RAP1GDS1: variants seen among roughly 807,000 people sequenced by gnomAD.
The protein encoded by RAP1GDS1 is RAP1, GTP-GDP dissociation stimulator 1.
In RAP1GDS1, 35 loss-of-function variants were observed where a neutral mutation model predicts 71.1. The ratio of observed to expected loss-of-function variants is 0.49; its 90% CI spans 0.38 to 0.65. RAP1GDS1 has a LOEUF of 0.65. Ranked by LOEUF, RAP1GDS1 falls within the 30% of genes least tolerant of loss-of-function variation. RAP1GDS1 has a pLI of 0.00. For missense variants in RAP1GDS1, 663 were observed against 706.1 expected, an observed-to-expected ratio of 0.94 and a Z score of 0.69; for synonymous variants, 229 against 243.1, an observed-to-expected ratio of 0.94 and a Z score of 0.54.
At chr4:98,303,663 A>ATAATATAATG (rs1728898448) in intron 2 of RAP1GDS1, among the ~76,000 whole-genome samples, 1 of 148,136 alleles carries the variant, frequency 6.8e-6, no homozygotes, top group Non-Finnish European at 1.5e-5. Flanking sequence ...ATAATATAAT[A>ATAATATAATG]TAATTGGGGT....
intron 4 of RAP1GDS1, among the ~76,000 whole-genome samples, chr4:98,374,209 T>C (rs1413108124): frequency 6.6e-6 from 1 of 152,130 alleles, no homozygotes; most frequent in Admixed American, 6.5e-5. Flanking sequence ...CCCACTTGTT[T>C]AGTTTGTTCA....
At chr4:98,284,255 G>A (rs1725649496) in intron 1 of RAP1GDS1, among the ~76,000 whole-genome samples, 2 of 151,868 alleles carry the variant, frequency 1.3e-5, no homozygotes, top group Non-Finnish European at 2.9e-5. Context: ...TTAGATTCAG[G>A]GGGCACGTAA....
intron 4 of RAP1GDS1, among the ~76,000 whole-genome samples, chr4:98,355,833 A>G (rs1286229674): frequency 6.6e-6 from 1 of 152,190 alleles, no homozygotes; most frequent in Non-Finnish European, 1.5e-5. Context: ...ACAGACTGGC[A>G]TACCGCTAAA....
chr4:98,293,771 C>T (rs1337899544), intron 2 of RAP1GDS1, among the ~76,000 whole-genome samples: 2 of 151,876 alleles, frequency 1.3e-5, no homozygotes, highest in African/African-American at 4.8e-5. Context: ...AATACCAGTC[C>T]CAGAGAGAGG....
chr4:98,319,001 G>C (rs1297999238), intron 2 of RAP1GDS1, among the ~76,000 whole-genome samples: 2 of 152,134 alleles, frequency 1.3e-5, no homozygotes, highest in Non-Finnish European at 2.9e-5. Flanking sequence ...GGGGAAATGA[G>C]GTTCTGGAAC....
intron 2 of RAP1GDS1, among the ~76,000 whole-genome samples, chr4:98,303,063 A>AAG (rs1728808494): frequency 6.6e-6 from 1 of 152,086 alleles, no homozygotes; most frequent in African/African-American, 2.4e-5. Context: ...AAAAAAAAAA[A>AAG]AGAGGAAAGA....
chr4:98,382,980 C>T (rs1340744733), intron 5 of RAP1GDS1, among the ~76,000 whole-genome samples: 1 of 151,544 alleles, frequency 6.6e-6, no homozygotes, highest in African/African-American at 2.4e-5. Flanking sequence ...GATCCACAAG[C>T]GTGTTGAGTC....
In RAP1GDS1 at chr4:98,261,481, G is replaced by C. The variant is rs1356127814; in HGVS notation, c.-85G>C. On this transcript the variant is annotated 5_prime_UTR_variant, in exon 1 of 15. Coordinates refer to ENST00000408927, the MANE Select transcript of RAP1GDS1 (RefSeq NM_001100427.2). ...TCCCTCCCTGGCTGCGGGAGAGACG[G>C]AGGTAGAGGGAGGACACAGAGCCGC... The C allele has an allele frequency of 7.0e-7, 1 of 1,418,720 alleles. No individual in the cohort carries two copies. Among genetic ancestry groups the C allele is most frequent in the Admixed American group, 2.0e-5 (1 of 51,070 alleles). 87.9% of individuals were successfully genotyped at this position (1,418,720 alleles called of 1,614,324 possible).
intron 2 of RAP1GDS1, among the ~76,000 whole-genome samples, chr4:98,337,170 C>T (rs994416619): frequency 2.0e-5 from 3 of 152,196 alleles, no homozygotes; most frequent in Admixed American, 6.5e-5. Flanking sequence ...GCTGAGATTA[C>T]AGGTGTGAGC....
chr4:98,375,248 T>C (rs939970207), intron 4 of RAP1GDS1, among the ~76,000 whole-genome samples: 1 of 152,136 alleles, frequency 6.6e-6, no homozygotes, highest in African/African-American at 2.4e-5. Flanking sequence ...CCTGCCTCTG[T>C]CTTCACATGG....
rs1236321677 is a variant in RAP1GDS1, at chr4:98,269,737, A to G, written c.4+8168A>G. Among the ~76,000 whole-genome samples, 12 of 152,288 alleles carry G rather than the reference A, an allele frequency of 7.9e-5. No homozygotes were observed. The South Asian group carries it at 2.5e-3, about 32-fold the overall frequency. ...ACTCAAAGGAAATGCACATTGCAGC[A>G]TTTGGATTTTTGGTTTCAGATTTTT... On this transcript the variant is annotated intron_variant, in intron 1 of 14. Transcript: ENST00000408927.
chr4:98,381,692 A>G (rs1271478398), intron 5 of RAP1GDS1, among the ~76,000 whole-genome samples: 1 of 151,614 alleles, frequency 6.6e-6, no homozygotes, highest in Non-Finnish European at 1.5e-5. Flanking sequence ...CTGCTAATTT[A>G]TAAGTAAAAT....
intron 7 of RAP1GDS1, among the ~76,000 whole-genome samples, chr4:98,415,028 G>A (rs1479922608): frequency 6.6e-6 from 1 of 152,022 alleles, no homozygotes; most frequent in Non-Finnish European, 1.5e-5. Flanking sequence ...GTCTGTTGTT[G>A]GTGTATAAGA....
intron 4 of RAP1GDS1, among the ~76,000 whole-genome samples, chr4:98,356,968 C>A (rs1738064064): frequency 6.6e-6 from 1 of 151,572 alleles, no homozygotes; most frequent in Admixed American, 6.6e-5. Flanking sequence ...TGTAAAAATT[C>A]TTTATATAAA....
intron 12 of RAP1GDS1, among the ~76,000 whole-genome samples, chr4:98,430,892 C>G (rs902161526): frequency 4.6e-5 from 7 of 152,178 alleles, no homozygotes; most frequent in African/African-American, 1.7e-4. Context: ...CACTGACTCA[C>G]AAGGTTTCAT....
At position 98,331,034 on chromosome 4, in the gene RAP1GDS1, G is replaced by A. The variant is rs184109924; in HGVS notation, c.113-12105G>A. Among the ~76,000 whole-genome samples the A allele has an allele frequency of 2.3e-3, 347 of 152,308 alleles. 2 individuals carry two copies. The Middle Eastern group carries it at 0.024, about 10-fold the overall frequency. On this transcript the variant is annotated intron_variant, in intron 2 of 14. Coordinates refer to ENST00000408927, the MANE Select transcript of RAP1GDS1 (RefSeq NM_001100427.2). ...TTGAGCACTGAGTGAGCGAGACTCC[G>A]TCTGCAATCCCAGCACCTCGGGAGG...
intron 2 of RAP1GDS1, among the ~76,000 whole-genome samples, chr4:98,317,984 A>G (rs1312007830): frequency 6.6e-6 from 1 of 151,690 alleles, no homozygotes; most frequent in Admixed American, 6.6e-5. Context: ...CTGGAATTAC[A>G]AGTGCACACC....
Position 98,371,876 on chromosome 4 carries a change from AGTGG to A in RAP1GDS1, c.362-7138_362-7135del, listed in dbSNP as rs542090935. The stretch of plus-strand genomic sequence containing the variant: ...TTTTAATATTATTTAATATTCTTAA[AGTGG>A]GTTAATTATAGACAGCATGGTTGGG... On this transcript the variant is annotated intron_variant, in intron 4 of 14. Coordinates refer to ENST00000408927, the MANE Select transcript of RAP1GDS1 (RefSeq NM_001100427.2). Among the ~76,000 whole-genome samples, 45 of 152,288 alleles carry A rather than the reference AGTGG, an allele frequency of 3.0e-4. 1 individual carries two copies. In the East Asian group the frequency reaches 3.9e-3, roughly 13 times the overall value.
At chr4:98,439,824 G>A (rs1751659900) in intron 14 of RAP1GDS1, among the ~76,000 whole-genome samples, 1 of 152,112 alleles carries the variant, frequency 6.6e-6, no homozygotes, top group South Asian at 2.1e-4. Flanking sequence ...TTTTAGAATT[G>A]TGGTAAAACA....
Sources: gnomAD v4.1 joint callset for allele counts (sites outside exome capture counted in the v4.1 genomes callset) on GRCh38, gnomAD v4.1.1 for gene constraint, MANE v1.5 for transcripts, NCBI Gene and HGNC (gene_info 2026-07-23, HGNC 2026-07-21) for gene names.